The following LPP variants were observed in gnomAD, a reference collection of about 807,000 sequenced individuals.
The protein encoded by LPP is lipoma-preferred partner.
A neutral mutation model predicts 60.4 loss-of-function variants in LPP; 38 were observed. That is an observed-to-expected ratio of 0.63 (90% CI 0.49 to 0.83). LPP has a LOEUF of 0.83. LPP is among the 40% of genes least tolerant of loss of function. LPP has a pLI of 0.00. For synonymous variants in LPP, 328 were observed against 290.8 expected (o/e 1.13, Z -1.30); for missense variants, 902 against 783.6 (o/e 1.15, Z -1.80).
At chr3:188,485,669 C>A (rs868402383) in intron 5 of LPP, among the ~76,000 whole-genome samples, 1 of 149,774 alleles carries the variant, frequency 6.7e-6, no homozygotes, top group Non-Finnish European at 1.5e-5. Flanking sequence ...TAGTGGCGGG[C>A]GCCTGTAGTC....
intron 2 of LPP, among the ~76,000 whole-genome samples, chr3:188,244,384 C>T (rs920340361): frequency 6.6e-6 from 1 of 152,146 alleles, no homozygotes; most frequent in African/African-American, 2.4e-5. Context: ...GCAGAGTGGG[C>T]TTAGGGAGAG....
intron 2 of LPP, among the ~76,000 whole-genome samples, chr3:188,230,466 G>A (rs1384878100): frequency 6.6e-6 from 1 of 152,106 alleles, no homozygotes. Flanking sequence ...AGATCTCATG[G>A]GGCGTGGATG....
chr3:188,726,399 C>T (rs559483331), intron 8 of LPP, among the ~76,000 whole-genome samples: 1 of 152,238 alleles, frequency 6.6e-6, no homozygotes, highest in South Asian at 2.1e-4. Flanking sequence ...CATCAGTCCA[C>T]AGAGATCCTC....
chr3:188,635,705 T>C (rs1848601615), intron 7 of LPP, among the ~76,000 whole-genome samples: 1 of 152,080 alleles, frequency 6.6e-6, no homozygotes, highest in Admixed American at 6.6e-5. Flanking sequence ...TGTCCTGGGG[T>C]GTGGGAGAAT....
intron 6 of LPP, chr3:188,568,401 A>G (rs1832707246): frequency 6.6e-6 from 1 of 151,984 alleles, no homozygotes; most frequent in South Asian, 2.1e-4. Context: ...TCTGGTTTTA[A>G]AGGAGATGAT....
At chr3:188,400,120 TA>T (rs1781896547) in intron 3 of LPP, among the ~76,000 whole-genome samples, 1 of 152,170 alleles carries the variant, frequency 6.6e-6, no homozygotes, top group African/African-American at 2.4e-5. Context: ...TTATTATGAT[TA>T]GATTTGAGGG....
intron 2 of LPP, among the ~76,000 whole-genome samples, chr3:188,313,189 C>T (rs1340170300): frequency 6.6e-6 from 1 of 152,028 alleles, no homozygotes; most frequent in Non-Finnish European, 1.5e-5. Context: ...TTCTATTCAT[C>T]TGTCACTTCA....
At chr3:188,419,763 A>T (rs1343166574) in intron 4 of LPP, among the ~76,000 whole-genome samples, 2 of 152,088 alleles carry the variant, frequency 1.3e-5, no homozygotes, top group East Asian at 3.9e-4. Flanking sequence ...GGTGGCACAC[A>T]CCTGTAATCC....
At chr3:188,290,762 G>A (rs745904993) in intron 2 of LPP, among the ~76,000 whole-genome samples, 18 of 152,216 alleles carry the variant, frequency 1.2e-4, no homozygotes, top group Admixed American at 4.6e-4. Context: ...GAATGCATCC[G>A]CATCCTTGAT....
At position 188,609,889 on chromosome 3, in the gene LPP, T is replaced by C. The variant is rs771312499; in HGVS notation, c.1113+45T>C. 7 of 1,539,690 alleles carry C rather than the reference T, an allele frequency of 4.5e-6. No homozygotes were observed. Among genetic ancestry groups the C allele is most frequent in the African/African-American group, 2.8e-5 (2 of 72,276 alleles). On this transcript the variant is annotated intron_variant, in intron 7 of 11. Transcript: ENST00000617246. This position sits in a 1 kb window ranked among gnomAD's most constrained non-coding sequence, Gnocchi z 6.9. ...AAGGAGGAGAATACAGGGGTGCCTA[T>C]CTTAGTCTGCCTTCCCCAGGAAGCG...
rs1199055408 is a variant in LPP, at chr3:188,428,650, TCACTG to T, written c.193+22338_193+22342del. On this transcript the variant is annotated intron_variant, in intron 4 of 11. Transcript: ENST00000617246. ...AGAACTGCTAAGGTAGGCCAATCTC[TCACTG>T]ATGCTTGAATTCATATAATCACTGT... 4.0e-5 allele frequency among the ~76,000 whole-genome samples: 6 copies of T among 151,470 alleles called. 1 individual carries two copies. The highest frequency in any genetic ancestry group is 1.5e-4 in the African/African-American group (6 of 41,272).
intron 8 of LPP, among the ~76,000 whole-genome samples, chr3:188,720,207 G>C (rs1314291473): frequency 6.6e-6 from 1 of 152,128 alleles, no homozygotes; most frequent in Non-Finnish European, 1.5e-5. Flanking sequence ...CACTGCACCT[G>C]GCCCTGTTGT....
chr3:188,776,654 C>T (rs1426097250), intron 9 of LPP, among the ~76,000 whole-genome samples: 1 of 152,188 alleles, frequency 6.6e-6, no homozygotes, highest in African/African-American at 2.4e-5. Flanking sequence ...TTAGTGCTGC[C>T]TGTCCTATTC....
intron 5 of LPP, among the ~76,000 whole-genome samples, chr3:188,494,597 G>T (rs769972919): frequency 1.3e-5 from 2 of 152,040 alleles, no homozygotes; most frequent in African/African-American, 4.8e-5. Context: ...TCAGGTCCTG[G>T]TGTCTTTTGC....
intron 7 of LPP, among the ~76,000 whole-genome samples, chr3:188,636,277 A>G (rs565234798): frequency 1.3e-5 from 2 of 152,270 alleles, no homozygotes; most frequent in East Asian, 3.9e-4. Flanking sequence ...CCCTTTCCTA[A>G]CCAAAGAAAG....
chr3:188,295,649 C>T (rs1195702157), intron 2 of LPP, among the ~76,000 whole-genome samples: 6 of 152,086 alleles, frequency 3.9e-5, no homozygotes, highest in African/African-American at 1.2e-4. Flanking sequence ...GCAATCCTCC[C>T]GCCTCAGCCT....
intron 9 of LPP, among the ~76,000 whole-genome samples, chr3:188,762,651 CT>C (rs1243533714): frequency 6.6e-6 from 1 of 152,100 alleles, no homozygotes; most frequent in Admixed American, 6.5e-5. Context: ...ATGCCAGCCC[CT>C]TCTTCTTTGG....
intron 7 of LPP, among the ~76,000 whole-genome samples, chr3:188,643,290 T>C (rs1311472424): frequency 2.0e-5 from 3 of 152,234 alleles, no homozygotes; most frequent in Admixed American, 1.3e-4. Context: ...ATTTTTATTC[T>C]TCTATTTATA....
At chr3:188,341,599 T>A (rs1034186596) in intron 2 of LPP, 64 bp from the exon 3 acceptor site, 1 of 545,396 alleles carries the variant, frequency 1.8e-6, no homozygotes, top group African/African-American at 2.1e-5. Context: ...TTATGACTAT[T>A]AATGAATAAA....
Sources: allele counts gnomAD v4.1 joint callset (sites outside exome capture counted in the v4.1 genomes callset), GRCh38; gene constraint gnomAD v4.1.1; non-coding constraint Gnocchi (gnomAD v3.1); transcripts MANE v1.5; gene names NCBI Gene and HGNC (gene_info 2026-07-23, HGNC 2026-07-21).